RIMS2: variants seen among roughly 807,000 people sequenced by gnomAD.
The protein encoded by RIMS2 is regulating synaptic membrane exocytosis protein 2.
A neutral mutation model predicts 174.4 loss-of-function variants in RIMS2; 59 were observed. That is an observed-to-expected ratio of 0.34 (90% confidence interval 0.27 to 0.42). RIMS2 has a LOEUF of 0.42. Ranked by LOEUF, RIMS2 falls within the 10% of genes least tolerant of loss-of-function variation. The pLI is 1.00. For missense variants in RIMS2, 1,620 were observed against 1,666.3 expected (o/e 0.97, Z 0.48); for synonymous variants, 606 against 572.5 (o/e 1.06, Z -0.84).
intron 3 of RIMS2, among the ~76,000 whole-genome samples, chr8:103,848,513 T>C (rs965628265): frequency 6.6e-6 from 1 of 152,024 alleles, no homozygotes; most frequent in Non-Finnish European, 1.5e-5. Flanking sequence ...TGAGTCTGTC[T>C]GGTCTTATGA....
intron 19 of RIMS2, among the ~76,000 whole-genome samples, chr8:104,036,543 A>G (rs192792505): frequency 3.4e-4 from 52 of 152,250 alleles, no homozygotes; most frequent in African/African-American, 1.2e-3. Context: ...AGATAAAGTC[A>G]GGGAAAAACA....
At chr8:104,178,530 G>A (rs188560868) in intron 19 of RIMS2, among the ~76,000 whole-genome samples, 4 of 152,196 alleles carry the variant, frequency 2.6e-5, no homozygotes, top group East Asian at 1.9e-4. Context: ...GGCCCACAGG[G>A]ATAATCTAGG....
intron 1 of RIMS2, among the ~76,000 whole-genome samples, chr8:103,594,026 A>G (rs2094382507): frequency 6.6e-6 from 1 of 151,548 alleles, no homozygotes; most frequent in Non-Finnish European, 1.5e-5. Flanking sequence ...CAGATTCTGT[A>G]TTTGTGAATT....
chr8:104,077,197 C>T (rs28715567), intron 19 of RIMS2, among the ~76,000 whole-genome samples: 35,673 of 151,880 alleles, frequency 0.23, 4,488 homozygotes, highest in African/African-American at 0.33. Context: ...AATCAGTAAA[C>T]GTTAGCTGTG....
At chr8:103,751,154 T>C (rs1591622617) in intron 2 of RIMS2, among the ~76,000 whole-genome samples, 1 of 152,236 alleles carries the variant, frequency 6.6e-6, no homozygotes, top group African/African-American at 2.4e-5. Flanking sequence ...CTTTTGTAAA[T>C]TGCCCCATCT....
intron 1 of RIMS2, among the ~76,000 whole-genome samples, chr8:103,519,092 T>TA (rs1416887066): frequency 1.3e-5 from 2 of 152,108 alleles, no homozygotes; most frequent in African/African-American, 2.4e-5. Flanking sequence ...TTAGTTATAA[T>TA]AAAATTTTTA....
chr8:103,987,121 T>G (rs2094416996), intron 16 of RIMS2, among the ~76,000 whole-genome samples: 1 of 152,136 alleles, frequency 6.6e-6, no homozygotes. Context: ...ACCTTAGTTC[T>G]AATTCTTAGA....
intron 19 of RIMS2, among the ~76,000 whole-genome samples, chr8:104,160,892 A>G (rs555808384): frequency 6.6e-6 from 1 of 152,312 alleles, no homozygotes; most frequent in East Asian, 1.9e-4. Flanking sequence ...GAACATCATG[A>G]GGATTAGCAA....
chr8:104,239,668 A>G (rs977425300), intron 19 of RIMS2, among the ~76,000 whole-genome samples: 4 of 152,158 alleles, frequency 2.6e-5, no homozygotes, highest in African/African-American at 9.7e-5. Context: ...TATTTTAATA[A>G]GTCTCCTCAT....
chr8:104,186,582 A>T (rs1260531464), intron 19 of RIMS2, among the ~76,000 whole-genome samples: 1 of 151,712 alleles, frequency 6.6e-6, no homozygotes. Flanking sequence ...TATAGGTCTG[A>T]CTACCATGTC....
chr8:103,977,947 C>G (rs2093589638), intron 16 of RIMS2, among the ~76,000 whole-genome samples: 1 of 152,204 alleles, frequency 6.6e-6, no homozygotes, highest in African/African-American at 2.4e-5. Context: ...GCCCTCAACC[C>G]TCTTTCTGTA....
At chr8:103,646,282 A>C (rs1261717196) in intron 1 of RIMS2, among the ~76,000 whole-genome samples, 3 of 151,936 alleles carry the variant, frequency 2.0e-5, no homozygotes, top group Non-Finnish European at 1.5e-5. Flanking sequence ...CCCAAGAATG[A>C]CTCACTAAAT....
intron 19 of RIMS2, among the ~76,000 whole-genome samples, chr8:104,236,130 G>A (rs2099257265): frequency 6.6e-6 from 1 of 151,406 alleles, no homozygotes; most frequent in Non-Finnish European, 1.5e-5. Context: ...TTAGACCTAG[G>A]GATGTGATTA....
chr8:104,034,293 C>T (rs931511272), intron 19 of RIMS2, among the ~76,000 whole-genome samples: 7 of 151,792 alleles, frequency 4.6e-5, no homozygotes, highest in Admixed American at 1.3e-4. Flanking sequence ...GACTATAGAA[C>T]CAAGGAGCTA....
chr8:103,817,696 G>A (rs1230825579), intron 3 of RIMS2, among the ~76,000 whole-genome samples: 3 of 152,114 alleles, frequency 2.0e-5, no homozygotes, highest in African/African-American at 7.2e-5. Context: ...AGAATTGCTT[G>A]AACCTGGGAG....
At chr8:104,045,378 G>T (rs2096674993) in intron 19 of RIMS2, among the ~76,000 whole-genome samples, 1 of 151,828 alleles carries the variant, frequency 6.6e-6, no homozygotes, top group Admixed American at 6.6e-5. Flanking sequence ...ATGAGAAGTA[G>T]CATGCTTTAT....
At chr8:104,240,355 A>G (rs73302958) in intron 19 of RIMS2, among the ~76,000 whole-genome samples, 1,557 of 152,346 alleles carry the variant, frequency 0.01, 27 homozygotes, top group African/African-American at 0.036. Context: ...GAATAATGTG[A>G]CAAATCATTT....
intron 1 of RIMS2, among the ~76,000 whole-genome samples, chr8:103,600,037 A>G (rs1241730611): frequency 6.6e-6 from 1 of 151,812 alleles, no homozygotes; most frequent in Non-Finnish European, 1.5e-5. Context: ...ATCTCCGCTA[A>G]CCCCTCACTA....
intron 1 of RIMS2, among the ~76,000 whole-genome samples, chr8:103,554,444 T>C (rs1378114922): frequency 1.3e-5 from 2 of 152,058 alleles, no homozygotes; most frequent in African/African-American, 4.8e-5. Context: ...GAAAAAATGC[T>C]CATCTTACCA....
Sources: gnomAD v4.1 joint callset for allele counts (sites outside exome capture counted in the v4.1 genomes callset) on GRCh38, gnomAD v4.1.1 for gene constraint, MANE v1.5 for transcripts, NCBI Gene and HGNC (gene_info 2026-07-23, HGNC 2026-07-21) for gene names.